The following USP9X variants were observed in gnomAD, a reference collection of about 807,000 sequenced individuals.
USP9X encodes the protein ubiquitin carboxyl-terminal hydrolase 9X.
A neutral mutation model predicts 190.3 loss-of-function variants in USP9X; 7 were observed. The observed-to-expected ratio is 0.04, with a 90% CI of 0.02 to 0.07. The LOEUF (loss-of-function observed/expected upper bound fraction) is 0.07, where lower values mean the gene tolerates loss of function less well. USP9X is among the 10% of genes least tolerant of loss of function. USP9X has a pLI of 1.00. For synonymous variants in USP9X, 645 were observed against 659.5 expected, an observed-to-expected ratio of 0.98 and a Z score of 0.34; for missense variants, 1,010 against 1,916.9, an observed-to-expected ratio of 0.53 and a Z score of 8.83.
intron 26 of USP9X, among the ~76,000 whole-genome samples, chrX:41,195,182 A>C (rs1401978497): frequency 9.1e-6 from 1 of 110,260 alleles, no homozygotes; most frequent in Non-Finnish European, 1.9e-5. Flanking sequence ...GATTACAGGC[A>C]CCCACCACCA....
At chrX:41,102,310 G>A (rs188063349) in intron 1 of USP9X, among the ~76,000 whole-genome samples, 84 of 111,866 alleles carry the variant, frequency 7.5e-4, no homozygotes, top group African/African-American at 2.6e-3. Context: ...AGAACACCCA[G>A]TGGAGGCACA....
At chrX:41,157,549 A>G (rs2062590061) in intron 14 of USP9X, among the ~76,000 whole-genome samples, 2 of 111,000 alleles carry the variant, frequency 1.8e-5, no homozygotes, top group South Asian at 7.6e-4. Flanking sequence ...TAGACTATGA[A>G]GTCTATTTCC....
In USP9X at chrX:41,197,352, C is replaced by CCCCCGGGGGGGGG; in HGVS notation, c.4234-12_4234-11insCCCCGGGGGGGGG. The stretch of plus-strand genomic sequence containing the variant: ...TTCTTCCCCCCCCCACCCCACCCCC[C>CCCCCGGGGGGGGG]GCCTTTGGCAGGATGATGTTAAAAG... On this transcript the variant is annotated splice_polypyrimidine_tract_variant and intron_variant, in intron 28 of 44. Transcript: ENST00000378308. 5 of 988,181 alleles carry CCCCCGGGGGGGGG rather than the reference C, an allele frequency of 5.1e-6. No individual in the cohort carries two copies. Among genetic ancestry groups the CCCCCGGGGGGGGG allele is most frequent in the Non-Finnish European group, 6.6e-6 (5 of 759,348 alleles). The allele number at this position is 988,181 out of a possible 1,213,427, so 81.4% of individuals were successfully genotyped here.
At chrX:41,088,235 G>T (rs1476749794) in intron 1 of USP9X, among the ~76,000 whole-genome samples, 2 of 111,795 alleles carry the variant, frequency 1.8e-5, no homozygotes, top group African/African-American at 6.5e-5. Flanking sequence ...CGCCCGTGTC[G>T]ACCTCCCAGT....
At position 41,167,952 on chromosome X, in the gene USP9X, G is replaced by T. The variant is rs1002362378; in HGVS notation, c.2425-55G>T. The T allele has an allele frequency of 6.8e-6, 7 of 1,035,551 alleles. No homozygotes were observed. The African/African-American group carries it at 1.1e-4, about 17-fold the overall frequency. The allele number at this position is 1,035,551 out of a possible 1,213,427, so 85.3% of individuals were successfully genotyped here. On this transcript the variant is annotated intron_variant, in intron 17 of 44. Transcript: ENST00000378308. ...GCCATCTTTAATTGGATTAATATTT[G>T]GTTTTTACATTTTAAAGCAATTTTA...
chrX:41,217,859 C>T (rs1258141465), intron 36 of USP9X, among the ~76,000 whole-genome samples: 1 of 111,851 alleles, frequency 8.9e-6, no homozygotes, highest in African/African-American at 3.3e-5. Context: ...CACTGCACTC[C>T]AGCCTGGGCA....
At chrX:41,168,247 A>G in intron 18 of USP9X, 29 bp downstream of exon 18, 1 of 1,090,761 alleles carries the variant, frequency 9.2e-7, no homozygotes. Context: ...TATTGGTGCT[A>G]ATTCTTAATT....
Position 41,232,521 on chromosome X carries a change from A to G in USP9X, c.7662A>G (p.Gln2554=), listed in dbSNP as rs750147944. 10 of 1,210,455 alleles carry G rather than the reference A, an allele frequency of 8.3e-6. No homozygotes were observed. In the East Asian group the frequency reaches 1.5e-4, roughly 18 times the overall value. ...TATCCCCACCTCAAACCAAGGATCA[A>G]TGAAATGCACATAATTAACTGGTTC... ...EEVSPPQTKD[Q] is the part of the protein sequence containing the mutation. The change falls in exon 45 of 45, where the codon CAA becomes CAG. Residue 2554 remains glutamine (Q), a synonymous_variant. Transcript: ENST00000378308.
chrX:41,225,464 T>G (rs767503209), intron 41 of USP9X, among the ~76,000 whole-genome samples: 29 of 112,340 alleles, frequency 2.6e-4, no homozygotes, highest in African/African-American at 9.4e-4. Context: ...ATGATTATAT[T>G]ACATTTGTTT....
chrX:41,134,228 CT>C (rs2062351213), intron 4 of USP9X, among the ~76,000 whole-genome samples: 1 of 111,970 alleles, frequency 8.9e-6, no homozygotes, highest in African/African-American at 3.2e-5. Context: ...TACAGATTTT[CT>C]TTGTTTGGAA....
intron 1 of USP9X, among the ~76,000 whole-genome samples, chrX:41,105,707 T>C (rs1270754194): frequency 8.9e-6 from 1 of 112,166 alleles, no homozygotes; most frequent in Non-Finnish European, 1.9e-5. Context: ...TGTTTAACTT[T>C]TTGAGGAATC....
chrX:41,194,186 C>G (rs1273710906), intron 26 of USP9X, among the ~76,000 whole-genome samples: 1 of 111,567 alleles, frequency 9.0e-6, no homozygotes, highest in Non-Finnish European at 1.9e-5. Context: ...TTTTCAGAAA[C>G]CTAAGATACC....
At chrX:41,089,931 T>TTTTTTTTA (rs1569143018) in intron 1 of USP9X, among the ~76,000 whole-genome samples, 1 of 66,772 alleles carries the variant, frequency 1.5e-5, no homozygotes, top group East Asian at 4.4e-4. Flanking sequence ...TTTTTTTTTT[T>TTTTTTTTA]GAGACAGATT....
At chrX:41,100,444 A>T (rs982310441) in intron 1 of USP9X, among the ~76,000 whole-genome samples, 5 of 111,958 alleles carry the variant, frequency 4.5e-5, no homozygotes, top group Non-Finnish European at 7.5e-5. Flanking sequence ...CTTTAGTGTT[A>T]ACTACTGCAT....
intron 36 of USP9X, 55 bp from the exon 37 acceptor site, chrX:41,218,317 C>A: frequency 9.0e-7 from 1 of 1,116,857 alleles, no homozygotes; most frequent in Non-Finnish European, 1.2e-6. Flanking sequence ...CATCCTTTTA[C>A]TATAGAGAAC....
rs1021799903 is a variant in USP9X at position 41,213,744 on chromosome X, A to G, written c.5190-824A>G. Among the ~76,000 whole-genome samples, 8 of 111,935 alleles carry G rather than the reference A, an allele frequency of 7.1e-5. No individual in the cohort carries two copies. In the East Asian group the frequency reaches 8.4e-4, roughly 12 times the overall value. On this transcript the variant is annotated intron_variant, in intron 33 of 44. Transcript: ENST00000378308. ...TCTAAGATCTAACTTTTTTCCCTCT[A>G]TGGGCTGTTCCCTGATTATATAGTA...
intron 16 of USP9X, chrX:41,167,218 G>T: frequency 4.7e-6 from 1 of 211,493 alleles, no homozygotes; most frequent in Non-Finnish European, 8.5e-6. Flanking sequence ...TAAATTATAG[G>T]GTTAAATAAT....
chrX:41,201,912 G>A (rs1213348690), intron 31 of USP9X, among the ~76,000 whole-genome samples: 5 of 110,874 alleles, frequency 4.5e-5, no homozygotes, highest in South Asian at 3.8e-4. Context: ...TGGAGGTTGC[G>A]ATGAGCTGAG....
At chrX:41,197,852 GA>G (rs199718467) in intron 29 of USP9X, among the ~76,000 whole-genome samples, 1,563 of 100,249 alleles carry the variant, frequency 0.016, 16 homozygotes, top group Non-Finnish European at 0.024. Context: ...CTCTACAAAA[GA>G]AAAAAAAAAA....
Sources: gnomAD v4.1 joint callset for allele counts (sites outside exome capture counted in the v4.1 genomes callset) on GRCh38, gnomAD v4.1.1 for gene constraint, MANE v1.5 for transcripts, NCBI Gene and HGNC (gene_info 2026-07-23, HGNC 2026-07-21) for gene names.